Variants in JAM3 observed in about 807,000 individuals in gnomAD.
JAM3 encodes the protein junctional adhesion molecule 3.
JAM3 carries 31 observed loss-of-function variants against 39.4 expected under a neutral mutation model. That is an observed-to-expected ratio of 0.79 (90% confidence interval 0.59 to 1.06). The LOEUF is 1.06. JAM3 is among the 50% of genes least tolerant of loss of function. JAM3 has a pLI of 0.00. For missense variants in JAM3, 455 were observed against 391.4 expected, an observed-to-expected ratio of 1.16 and a Z score of -1.37; for synonymous variants, 182 against 148.7, an observed-to-expected ratio of 1.22 and a Z score of -1.63.
At position 134,095,158 on chromosome 11, in the gene JAM3, G is replaced by GA. The variant is rs532879340; in HGVS notation, c.76+26000dup. Among the ~76,000 whole-genome samples the GA allele has an allele frequency of 4.0e-3, 610 of 152,314 alleles. 7 individuals carry two copies. The highest frequency in any genetic ancestry group is 0.014 in the African/African-American group (578 of 41,578). ...TGTGAGAGGCAGAAAAGTTCGAAGAGAGAAAGTAAACCAGCATTGTTTCCC... is the reference window on the plus strand; with the variant it reads ...TGTGAGAGGCAGAAAAGTTCGAAGAGAAGAAAGTAAACCAGCATTGTTTCCC... On this transcript the variant is annotated intron_variant, in intron 1 of 8. Coordinates refer to ENST00000299106, the MANE Select transcript of JAM3 (RefSeq NM_032801.5).
At chr11:134,101,036 G>T (rs539769952) in intron 1 of JAM3, among the ~76,000 whole-genome samples, 1 of 152,270 alleles carries the variant, frequency 6.6e-6, no homozygotes, top group Non-Finnish European at 1.5e-5. Flanking sequence ...ATGTTGCTGT[G>T]CCTGGTGCTC....
intron 1 of JAM3, among the ~76,000 whole-genome samples, chr11:134,139,320 G>T (rs1047417509): frequency 1.2e-4 from 19 of 152,136 alleles, no homozygotes; most frequent in Non-Finnish European, 2.5e-4. Flanking sequence ...AAACTTCTTC[G>T]TGGACTGGAA....
intron 1 of JAM3, among the ~76,000 whole-genome samples, chr11:134,077,377 T>A (rs1029483569): frequency 6.7e-6 from 1 of 150,194 alleles, no homozygotes; most frequent in Non-Finnish European, 1.5e-5. Flanking sequence ...TTTTTTTTTT[T>A]CTTGAGACAG....
intron 1 of JAM3, among the ~76,000 whole-genome samples, chr11:134,108,094 A>C (rs552710263): frequency 2.0e-5 from 3 of 152,220 alleles, no homozygotes; most frequent in Admixed American, 2.0e-4. Context: ...GAAACAAGTT[A>C]ACAATGCCAG....
chr11:134,071,182 C>T (rs1941479404), intron 1 of JAM3, among the ~76,000 whole-genome samples: 1 of 152,088 alleles, frequency 6.6e-6, no homozygotes, highest in Non-Finnish European at 1.5e-5. Flanking sequence ...TTACCCTTTG[C>T]CAGGCTCTGT....
At chr11:134,104,696 A>G (rs1348923079) in intron 1 of JAM3, among the ~76,000 whole-genome samples, 1 of 152,238 alleles carries the variant, frequency 6.6e-6, no homozygotes, top group African/African-American at 2.4e-5. Flanking sequence ...CTACAGAAAT[A>G]CAAACTACCA....
intron 5 of JAM3, 134 bp from the exon 6 acceptor site, chr11:134,145,812 A>T (rs1433118145): frequency 2.2e-5 from 16 of 730,904 alleles, no homozygotes; most frequent in Non-Finnish European, 4.0e-5. Context: ...TGGGTCAGGG[A>T]GGAACATGCA....
chr11:134,105,215 ACAT>A (rs1565489998), intron 1 of JAM3, among the ~76,000 whole-genome samples: 1 of 152,188 alleles, frequency 6.6e-6, no homozygotes, highest in Non-Finnish European at 1.5e-5. Flanking sequence ...AAATCAATAA[ACAT>A]CATCCGGCAT....
chr11:134,119,503 A>T (rs1183618413), intron 1 of JAM3, among the ~76,000 whole-genome samples: 2 of 152,220 alleles, frequency 1.3e-5, no homozygotes. Context: ...ATTAGGAGAT[A>T]GAGAGATAGA....
intron 1 of JAM3, among the ~76,000 whole-genome samples, chr11:134,106,421 C>G (rs1474499731): frequency 6.6e-6 from 1 of 152,138 alleles, no homozygotes; most frequent in Non-Finnish European, 1.5e-5. Flanking sequence ...CAATACCATT[C>G]AGGACATAGG....
At chr11:134,148,328 G>A in intron 6 of JAM3, 1 of 601,036 alleles carries the variant, frequency 1.7e-6, no homozygotes. Context: ...TTCAACTGTA[G>A]AAGTCTCAGT....
intron 6 of JAM3, 57 bp downstream of exon 6, chr11:134,146,102 T>G: frequency 1.7e-6 from 2 of 1,169,696 alleles, no homozygotes; most frequent in Non-Finnish European, 2.6e-6. Flanking sequence ...ATAGAACATT[T>G]TAATTTAATA....
intron 1 of JAM3, among the ~76,000 whole-genome samples, chr11:134,080,606 T>C (rs552938777): frequency 6.6e-5 from 10 of 152,324 alleles, no homozygotes; most frequent in Admixed American, 5.9e-4. Flanking sequence ...CCTTTTACCT[T>C]CTGCCGTGAT....
chr11:134,100,657 A>G (rs934095930), intron 1 of JAM3, among the ~76,000 whole-genome samples: 1 of 152,158 alleles, frequency 6.6e-6, no homozygotes, highest in East Asian at 1.9e-4. Context: ...ATGTGAATGC[A>G]TTCTCTGCGT....
intron 3 of JAM3, among the ~76,000 whole-genome samples, chr11:134,143,837 TGAGA>T (rs1267627426): frequency 3.9e-5 from 6 of 152,084 alleles, no homozygotes; most frequent in Admixed American, 2.6e-4. Context: ...GTATATGGAG[TGAGA>T]GAGAGGTTCA....
intron 1 of JAM3, among the ~76,000 whole-genome samples, chr11:134,107,766 G>A (rs1267329119): frequency 6.6e-6 from 1 of 151,984 alleles, no homozygotes; most frequent in African/African-American, 2.4e-5. Flanking sequence ...GGGACATCGG[G>A]GCAGGAGAAT....
intron 1 of JAM3, among the ~76,000 whole-genome samples, chr11:134,075,717 A>G (rs1050019387): frequency 1.3e-4 from 20 of 152,038 alleles, no homozygotes; most frequent in African/African-American, 3.9e-4. Context: ...ATACACCACC[A>G]TGCCCTCCCT....
intron 1 of JAM3, among the ~76,000 whole-genome samples, chr11:134,107,403 G>C (rs1942213388): frequency 6.6e-6 from 1 of 151,980 alleles, no homozygotes; most frequent in African/African-American, 2.4e-5. Context: ...AATGGGTGCA[G>C]CACACCAACA....
intron 1 of JAM3, among the ~76,000 whole-genome samples, chr11:134,073,530 A>T (rs1194760653): frequency 6.6e-6 from 1 of 152,166 alleles, no homozygotes; most frequent in Admixed American, 6.5e-5. Context: ...GATCCTTCCT[A>T]TCTCTAAATA....
Sources: allele counts gnomAD v4.1 joint callset (sites outside exome capture counted in the v4.1 genomes callset), GRCh38; gene constraint gnomAD v4.1.1; transcripts MANE v1.5; gene names NCBI Gene and HGNC (gene_info 2026-07-23, HGNC 2026-07-21).